NAV2: variants seen among roughly 807,000 people sequenced by gnomAD.
NAV2 encodes neuron navigator 2, also known as helicase, APC down-regulated 1.
NAV2 carries 54 observed loss-of-function variants against 223.2 expected under a neutral mutation model. The observed-to-expected ratio is 0.24, with a 90% CI of 0.19 to 0.30. NAV2 has a LOEUF of 0.30. Among genes scored for constraint, NAV2 ranks in the 10% least tolerant of loss-of-function variants. NAV2 has a pLI of 1.00. For missense variants in NAV2, 2,806 were observed against 3,147.5 expected (o/e 0.89, Z 2.60); for synonymous variants, 1,279 against 1,239.3 (o/e 1.03, Z -0.67).
At chr11:19,351,554 T>C (rs1432855619) in intron 1 of NAV2, among the ~76,000 whole-genome samples, 1 of 152,086 alleles carries the variant, frequency 6.6e-6, no homozygotes, top group African/African-American at 2.4e-5. Context: ...GTCATTGGTC[T>C]GAAAGCTGCA....
chr11:20,075,564 G>A (rs1238760180), intron 22 of NAV2, among the ~76,000 whole-genome samples: 1 of 152,028 alleles, frequency 6.6e-6, no homozygotes, highest in Non-Finnish European at 1.5e-5. Flanking sequence ...AATAGAGAGA[G>A]GGAGTGCAAT....
At position 19,431,692 on chromosome 11, in the gene NAV2, G is replaced by A. The variant is rs185797502; in HGVS notation, c.75+80665G>A. Among the ~76,000 whole-genome samples the A allele has an allele frequency of 1.3e-4, 20 of 152,246 alleles. No individual in the cohort carries two copies. The East Asian group carries it at 3.1e-3, about 24-fold the overall frequency. On this transcript the variant is annotated intron_variant, in intron 1 of 37. Transcript: ENST00000360655. ...AACAAACAAACAAATGCCTGGTGTC[G>A]GAAGATAGAATTTAGATTAAGAGCA... is the stretch of plus-strand genomic sequence containing the variant.
intron 22 of NAV2, among the ~76,000 whole-genome samples, chr11:20,073,439 G>GC (rs1471477556): frequency 3.9e-5 from 6 of 152,170 alleles, no homozygotes; most frequent in African/African-American, 1.4e-4. Context: ...TCAGGATGAT[G>GC]CTGGCCTCAT....
intron 1 of NAV2, among the ~76,000 whole-genome samples, chr11:19,707,397 A>AT (rs991134261): frequency 1.3e-5 from 2 of 152,146 alleles, no homozygotes; most frequent in Non-Finnish European, 2.9e-5. Flanking sequence ...TCTATTAGTT[A>AT]TTTTTTTAAC....
intron 1 of NAV2, among the ~76,000 whole-genome samples, chr11:19,471,045 A>T (rs994859662): frequency 6.6e-6 from 1 of 152,156 alleles, no homozygotes; most frequent in African/African-American, 2.4e-5. Context: ...TCTCTTTCTA[A>T]TGAAGGACCA....
At chr11:19,995,041 C>CA (rs2051732129) in intron 11 of NAV2, among the ~76,000 whole-genome samples, 1 of 152,148 alleles carries the variant, frequency 6.6e-6, no homozygotes, top group Non-Finnish European at 1.5e-5. Context: ...ATTATGAATG[C>CA]AATCCAGGCG....
At chr11:19,699,485 C>A (rs1162183139) in intron 1 of NAV2, among the ~76,000 whole-genome samples, 4 of 152,056 alleles carry the variant, frequency 2.6e-5, no homozygotes, top group African/African-American at 7.2e-5. Context: ...AGAAAGATAC[C>A]AGTATGAAGA....
At chr11:19,431,179 G>C (rs945648484) in intron 1 of NAV2, among the ~76,000 whole-genome samples, 15 of 152,230 alleles carry the variant, frequency 9.9e-5, no homozygotes, top group African/African-American at 3.6e-4. Flanking sequence ...GGGATAAAGA[G>C]TGCATCCCTT....
chr11:19,788,757 G>C (rs2057320010), intron 1 of NAV2, among the ~76,000 whole-genome samples: 1 of 152,084 alleles, frequency 6.6e-6, no homozygotes, highest in Admixed American at 6.5e-5. Context: ...ATTCTCACCT[G>C]GGGGAGTTTG....
chr11:19,730,122 T>G (rs186979341), intron 1 of NAV2, among the ~76,000 whole-genome samples: 22 of 152,346 alleles, frequency 1.4e-4, no homozygotes, highest in African/African-American at 5.1e-4. Context: ...TCATGAATCT[T>G]CCACAGTTCT....
At chr11:20,019,286 T>A (rs2054282767) in intron 11 of NAV2, among the ~76,000 whole-genome samples, 1 of 152,162 alleles carries the variant, frequency 6.6e-6, no homozygotes. Context: ...ATTTGGGGAC[T>A]CTAGGCAAAA....
intron 1 of NAV2, among the ~76,000 whole-genome samples, chr11:19,726,321 A>G: frequency 6.6e-6 from 1 of 152,210 alleles, no homozygotes; most frequent in East Asian, 1.9e-4. Flanking sequence ...CCTATAGGAT[A>G]GGTTATTTTC....
At chr11:19,378,830 G>T (rs971308599) in intron 1 of NAV2, among the ~76,000 whole-genome samples, 2 of 152,232 alleles carry the variant, frequency 1.3e-5, no homozygotes. Context: ...GGCAGGTCAT[G>T]CACTGGCACC....
In NAV2 at chr11:20,067,472, A is replaced by G. The variant is rs73429316; in HGVS notation, c.4885-714A>G. Among the ~76,000 whole-genome samples the G allele has an allele frequency of 5.7e-3, 867 of 152,122 alleles. 11 individuals are homozygous for G. The highest frequency in any genetic ancestry group is 0.02 in the African/African-American group (821 of 41,490). Reference sequence around the variant, plus strand: ...ATATGTCCCTAATATTGCATGGGACATATTAGACCCTTTATTTTATTTTTT... The same window carrying G: ...ATATGTCCCTAATATTGCATGGGACGTATTAGACCCTTTATTTTATTTTTT... On this transcript the variant is annotated intron_variant, in intron 20 of 37. Coordinates refer to ENST00000349880, the MANE Select transcript of NAV2 (RefSeq NM_145117.5).
intron 5 of NAV2, among the ~76,000 whole-genome samples, chr11:19,880,644 A>G (rs2063143794): frequency 6.6e-6 from 1 of 152,206 alleles, no homozygotes; most frequent in Non-Finnish European, 1.5e-5. Context: ...TTACCATTAA[A>G]TGTGACTGTG....
chr11:19,731,083 G>T (rs1590211559), intron 1 of NAV2, among the ~76,000 whole-genome samples: 1 of 152,194 alleles, frequency 6.6e-6, no homozygotes, highest in East Asian at 1.9e-4. Flanking sequence ...TGCTAGATCT[G>T]ATGACCCTAC....
intron 22 of NAV2, among the ~76,000 whole-genome samples, chr11:20,071,106 G>GACCCC (rs2059377421): frequency 7.8e-6 from 1 of 128,374 alleles, no homozygotes; most frequent in Non-Finnish European, 1.6e-5. Context: ...CCCTCCCCTA[G>GACCCC]CCCCCCACCC....
At chr11:19,397,168 C>T (rs774524512) in intron 1 of NAV2, among the ~76,000 whole-genome samples, 10 of 152,182 alleles carry the variant, frequency 6.6e-5, no homozygotes, top group African/African-American at 1.4e-4. Context: ...TAGAGGTCCC[C>T]ATAAAAAGAG....
chr11:19,746,306 T>A (rs1459217383), intron 1 of NAV2, among the ~76,000 whole-genome samples: 1 of 152,198 alleles, frequency 6.6e-6, no homozygotes, highest in African/African-American at 2.4e-5. Flanking sequence ...GGGTGGCATA[T>A]GGAAGCTAAT....
Sources: allele counts gnomAD v4.1 joint callset (sites outside exome capture counted in the v4.1 genomes callset), GRCh38; gene constraint gnomAD v4.1.1; transcripts MANE v1.5; gene names NCBI Gene and HGNC (gene_info 2026-07-23, HGNC 2026-07-21).